The following EXTL3 variants were observed in gnomAD, a reference collection of about 807,000 sequenced individuals.
EXTL3 encodes the protein exostosin-like 3.
In EXTL3, 27 loss-of-function variants were observed where a neutral mutation model predicts 69.3. That is an observed-to-expected ratio of 0.39 (90% CI 0.29 to 0.54). The LOEUF is 0.54. EXTL3 is among the 20% of genes least tolerant of loss of function. The pLI is 0.69. For synonymous variants in EXTL3, 511 were observed against 499.4 expected (o/e 1.02, Z -0.31); for missense variants, 1,003 against 1,231.8 (o/e 0.81, Z 2.78).
intron 1 of EXTL3, among the ~76,000 whole-genome samples, chr8:28,630,217 C>A (rs1039644182): frequency 6.6e-6 from 1 of 152,056 alleles, no homozygotes; most frequent in Non-Finnish European, 1.5e-5. Context: ...GAGATCTGAT[C>A]GTTTTATAAA....
chr8:28,624,378 A>C (rs1358946489), intron 1 of EXTL3, among the ~76,000 whole-genome samples: 1 of 152,106 alleles, frequency 6.6e-6, no homozygotes, highest in African/African-American at 2.4e-5. Flanking sequence ...ATGCTGGGCA[A>C]CATGGCGAAA....
chr8:28,731,448 C>A, intron 4 of EXTL3, 98 bp downstream of exon 4: 1 of 1,307,158 alleles, frequency 7.7e-7, no homozygotes, highest in Non-Finnish European at 1.1e-6. Context: ...TAACTGAGAA[C>A]CCCTTGCAGA....
At chr8:28,662,249 C>T (rs1348011188) in intron 1 of EXTL3, among the ~76,000 whole-genome samples, 1 of 151,892 alleles carries the variant, frequency 6.6e-6, no homozygotes, top group Non-Finnish European at 1.5e-5. Flanking sequence ...ATTTCCATTC[C>T]ACTTCCCACA....
chr8:28,627,219 T>A (rs1182885142), intron 1 of EXTL3, among the ~76,000 whole-genome samples: 1 of 146,074 alleles, frequency 6.8e-6, no homozygotes, highest in Non-Finnish European at 1.5e-5. Context: ...ATAAAAAAAA[T>A]TCCCCTTGAG....
At chr8:28,647,912 TGGG>T (rs1237474747) in intron 1 of EXTL3, among the ~76,000 whole-genome samples, 3 of 44,744 alleles carry the variant, frequency 6.7e-5, no homozygotes, top group African/African-American at 9.3e-5. Flanking sequence ...GGTGCAGCCT[TGGG>T]GGGCACTAGA....
intron 1 of EXTL3, among the ~76,000 whole-genome samples, chr8:28,689,679 G>A (rs2130674837): frequency 6.6e-6 from 1 of 152,340 alleles, no homozygotes. Flanking sequence ...TGAAATATAA[G>A]ACATGCTCCT....
intron 3 of EXTL3, among the ~76,000 whole-genome samples, chr8:28,722,236 C>T (rs1052354454): frequency 6.6e-6 from 1 of 152,202 alleles, no homozygotes; most frequent in East Asian, 1.9e-4. Flanking sequence ...CAGTGCAGGT[C>T]GTGGTTAGGA....
At chr8:28,666,345 A>C (rs1433840605) in intron 1 of EXTL3, among the ~76,000 whole-genome samples, 1 of 146,972 alleles carries the variant, frequency 6.8e-6, no homozygotes, top group African/African-American at 2.5e-5. Flanking sequence ...TGGCATGATC[A>C]TGGCTTCCTA....
intron 6 of EXTL3, among the ~76,000 whole-genome samples, chr8:28,744,520 C>T (rs539937673): frequency 2.6e-5 from 4 of 152,154 alleles, no homozygotes; most frequent in East Asian, 1.9e-4. Context: ...TTAGGCTGGG[C>T]GCAGTGGCTT....
At chr8:28,728,783 G>A (rs1285700222) in intron 3 of EXTL3, among the ~76,000 whole-genome samples, 5 of 152,088 alleles carry the variant, frequency 3.3e-5, no homozygotes, top group African/African-American at 7.2e-5. Context: ...AGCTACTTGG[G>A]GAGCTGAGAC....
intron 1 of EXTL3, among the ~76,000 whole-genome samples, chr8:28,630,448 A>G (rs1806555948): frequency 1.3e-5 from 2 of 152,246 alleles, no homozygotes; most frequent in Middle Eastern, 3.4e-3. Flanking sequence ...TGCTCCCAGG[A>G]GAGTTGAGTT....
intron 3 of EXTL3, among the ~76,000 whole-genome samples, chr8:28,728,365 G>A (rs1007705235): frequency 1.3e-5 from 2 of 152,168 alleles, no homozygotes; most frequent in Non-Finnish European, 2.9e-5. Context: ...TCTGACCTAG[G>A]CCTCACTCGG....
chr8:28,639,400 C>G (rs955698488), intron 1 of EXTL3, among the ~76,000 whole-genome samples: 1 of 152,202 alleles, frequency 6.6e-6, no homozygotes, highest in Non-Finnish European at 1.5e-5. Flanking sequence ...TCAGGTTCTG[C>G]TGCTCTGCAG....
At chr8:28,739,763 T>G (rs1169703296) in intron 5 of EXTL3, 1 of 152,210 alleles carries the variant, frequency 6.6e-6, no homozygotes, top group African/African-American at 2.4e-5. Context: ...TTTCCTTCGG[T>G]GGGCCTTGTT....
At chr8:28,616,991 C>A (rs1346585851) in intron 2 of EXTL3, among the ~76,000 whole-genome samples, 1 of 152,232 alleles carries the variant, frequency 6.6e-6, no homozygotes, top group African/African-American at 2.4e-5. Context: ...CAAGGAAACA[C>A]AGTATGCCTA....
chr8:28,659,603 C>T (rs903819187), intron 1 of EXTL3, among the ~76,000 whole-genome samples: 6 of 152,154 alleles, frequency 3.9e-5, no homozygotes, highest in African/African-American at 1.4e-4. Context: ...CAGCTTCTAT[C>T]CTGGATCCGG....
chr8:28,702,595 G>T (rs1021388178), intron 1 of EXTL3, among the ~76,000 whole-genome samples: 1 of 12,110 alleles, frequency 8.3e-5, no homozygotes, highest in Admixed American at 7.2e-4. Context: ...GCCCTTCCCC[G>T]CAACCTGGAT....
At chr8:28,615,191 C>T (rs1184447117) in intron 2 of EXTL3, among the ~76,000 whole-genome samples, 1 of 152,132 alleles carries the variant, frequency 6.6e-6, no homozygotes, top group African/African-American at 2.4e-5. Flanking sequence ...GTCAGTGCTC[C>T]ATGTGTGCTT....
At chr8:28,734,777 C>G (rs1801611122) in intron 4 of EXTL3, among the ~76,000 whole-genome samples, 1 of 151,814 alleles carries the variant, frequency 6.6e-6, no homozygotes, top group African/African-American at 2.4e-5. Flanking sequence ...AGTGTGGATC[C>G]AGGATAGAGA....
Sources: allele counts gnomAD v4.1 joint callset (sites outside exome capture counted in the v4.1 genomes callset), GRCh38; gene constraint gnomAD v4.1.1; transcripts MANE v1.5; gene names NCBI Gene and HGNC (gene_info 2026-07-23, HGNC 2026-07-21).